The following KPNA5 variants were observed in gnomAD, a reference collection of about 807,000 sequenced individuals.
KPNA5 encodes importin subunit alpha-6.
A neutral mutation model predicts 71.3 loss-of-function variants in KPNA5; 46 were observed. That is an observed-to-expected ratio of 0.65 (90% CI 0.51 to 0.83). The LOEUF (loss-of-function observed/expected upper bound fraction) is 0.83. KPNA5 is among the 40% of genes least tolerant of loss of function. The pLI is 0.00. For synonymous variants in KPNA5, 207 were observed against 201.4 expected (o/e 1.03, Z -0.24); for missense variants, 547 against 628.3 (o/e 0.87, Z 1.38).
intron 4 of KPNA5, among the ~76,000 whole-genome samples, chr6:116,693,600 A>C (rs1433467855): frequency 6.6e-6 from 1 of 151,808 alleles, no homozygotes; most frequent in African/African-American, 2.4e-5. Flanking sequence ...TTTTTCTTGT[A>C]AATTTGTTTG....
rs895305575 is a variant in KPNA5 at position 116,738,570 on chromosome 6, T to C, written c.*6247T>C. The C allele has an allele frequency of 6.6e-6, 1 of 152,026 alleles. No homozygotes were observed. The highest frequency in any genetic ancestry group is 1.5e-5 in the Non-Finnish European group (1 of 68,026). 9.4% of individuals were successfully genotyped at this position (152,026 alleles called of 1,614,324 possible). ...CAAAAAAGAGAATTTTAGACCAATA[T>C]CCTTGGTGAACATTGATGCAAAAAT... On this transcript the variant is annotated 3_prime_UTR_variant, in exon 14 of 14. Coordinates refer to ENST00000368564, the MANE Select transcript of KPNA5 (RefSeq NM_001366306.2).
intron 7 of KPNA5, among the ~76,000 whole-genome samples, chr6:116,714,751 A>C (rs1278310787): frequency 6.6e-6 from 1 of 152,140 alleles, no homozygotes; most frequent in Non-Finnish European, 1.5e-5. Context: ...CTTTATTTAC[A>C]AAGCTACTTT....
In KPNA5 at chr6:116,738,127, GAGA is replaced by G. The variant is rs1779737792; in HGVS notation, c.*5809_*5811del. 6.6e-6 allele frequency: 1 copy of G among 151,902 alleles called. No homozygotes were observed. The highest frequency in any genetic ancestry group is 6.6e-5 in the Admixed American group (1 of 15,220). The allele number at this position is 151,902 out of a possible 1,614,324, so 9.4% of individuals were successfully genotyped here. A position where few individuals can be genotyped will look rare whatever the true frequency, so the allele number is the denominator to read the frequency against. ...AGCAAGACTAATAAAGAAGAAAAGAGAGAAGAATCAAATAGACGCAATAAAAAA... is the reference window on the plus strand; with the variant it reads ...AGCAAGACTAATAAAGAAGAAAAGAGAGAATCAAATAGACGCAATAAAAAA... On this transcript the variant is annotated 3_prime_UTR_variant, in exon 14 of 14. Transcript: ENST00000368564.
chr6:116,704,510 T>A (rs147946888), intron 6 of KPNA5, among the ~76,000 whole-genome samples: 1 of 152,362 alleles, frequency 6.6e-6, no homozygotes, highest in Non-Finnish European at 1.5e-5. Context: ...GCTAAATAGA[T>A]GTATTTTGTC....
chr6:116,711,340 G>C (rs1042074766), intron 7 of KPNA5, among the ~76,000 whole-genome samples: 1 of 150,424 alleles, frequency 6.6e-6, no homozygotes, highest in African/African-American at 2.4e-5. Flanking sequence ...TTTATCTCTG[G>C]TCTTAACTTT....
In KPNA5 at chr6:116,741,740, G is replaced by A. The variant is rs1779877484; in HGVS notation, c.*9417G>A. The stretch of plus-strand genomic sequence containing the variant: ...AAAACAAACAAAAAACAACAAAAAA[G>A]CGGTGACAGGAAACAGTTAAGGAAA... On this transcript the variant is annotated 3_prime_UTR_variant, in exon 14 of 14. Coordinates refer to ENST00000368564, the MANE Select transcript of KPNA5 (RefSeq NM_001366306.2). The A allele has an allele frequency of 6.6e-6, 1 of 152,332 alleles. No individual in the cohort carries two copies. Among genetic ancestry groups the A allele is most frequent in the African/African-American group, 2.4e-5 (1 of 41,434 alleles). 9.4% of individuals were successfully genotyped at this position (152,332 alleles called of 1,614,324 possible). A position where few individuals can be genotyped will look rare whatever the true frequency, so the allele number is the denominator to read the frequency against.
rs1779865270 is a variant in KPNA5, at chr6:116,741,313, A to G, written c.*8990A>G. On this transcript the variant is annotated 3_prime_UTR_variant, in exon 14 of 14. Coordinates refer to ENST00000368564, the MANE Select transcript of KPNA5 (RefSeq NM_001366306.2). ...TTCTGACGATTTTTTTGTGTTTTAT[A>G]TGTTTTTTACATTATTTTGTGCATA... 1 of 151,768 alleles carries G rather than the reference A, an allele frequency of 6.6e-6. No homozygotes were observed. Among genetic ancestry groups the G allele is most frequent in the African/African-American group, 2.4e-5 (1 of 41,298 alleles). 9.4% of individuals were successfully genotyped at this position (151,768 alleles called of 1,614,324 possible). A position where few individuals can be genotyped will look rare whatever the true frequency, so the allele number is the denominator to read the frequency against.
At chr6:116,684,004 C>A (rs1777472294) in intron 1 of KPNA5, among the ~76,000 whole-genome samples, 1 of 145,438 alleles carries the variant, frequency 6.9e-6, no homozygotes, top group African/African-American at 2.6e-5. Context: ...CCTCTGCCTC[C>A]CGAGTTCAAG....
At position 116,697,133 on chromosome 6, in the gene KPNA5, A is replaced by T. The variant is rs111558076; in HGVS notation, c.341-1571A>T. 2.6e-3 allele frequency among the ~76,000 whole-genome samples: 398 copies of T among 152,178 alleles called. 4 individuals are homozygous for T. The highest frequency in any genetic ancestry group is 9.2e-3 in the African/African-American group (383 of 41,550). ...AACAAAATAGGATAATATATTTATG[A>T]TTTGCTTTGGAAATAAAGGAAAAAC... On this transcript the variant is annotated intron_variant, in intron 4 of 13. Transcript: ENST00000368564.
At position 116,740,558 on chromosome 6, in the gene KPNA5, A is replaced by G. The variant is rs572987328; in HGVS notation, c.*8235A>G. On this transcript the variant is annotated 3_prime_UTR_variant, in exon 14 of 14. Transcript: ENST00000368564. ...ACACATGCACACATATGTTTATTGC[A>G]GCACTATTCACGATAGCAAAGACTT... is the stretch of plus-strand genomic sequence containing the variant. 1.4e-4 allele frequency: 22 copies of G among 152,298 alleles called. No individual in the cohort carries two copies. The East Asian group carries it at 3.9e-3, about 27-fold the overall frequency. The allele number at this position is 152,298 out of a possible 1,614,324, so 9.4% of individuals were successfully genotyped here.
Position 116,712,985 on chromosome 6 carries a change from CTTAAG to C in KPNA5, c.657-3231_657-3227del, listed in dbSNP as rs1221227720. 7.9e-5 allele frequency among the ~76,000 whole-genome samples: 12 copies of C among 152,108 alleles called. No individual in the cohort carries two copies. The South Asian group carries it at 8.3e-4, about 11-fold the overall frequency. On this transcript the variant is annotated intron_variant, in intron 7 of 13. Transcript: ENST00000368564. ...TCCTATACATATCTGTCTCACCCTTCTTAAGTTGTTATTGCCACAAATTGCATTAT... is the reference window on the plus strand; with the variant it reads ...TCCTATACATATCTGTCTCACCCTTCTTGTTATTGCCACAAATTGCATTAT...
rs67301038 is a variant in KPNA5 at position 116,710,893 on chromosome 6, ATTTTTTTTTTT to A, written c.657-5317_657-5307del. On this transcript the variant is annotated intron_variant, in intron 7 of 13. Transcript: ENST00000368564. ...TTATTTTATATATATATATATATATATTTTTTTTTTTTTTTTTTTGAGTTGGAGTCTTGCTC... is the reference window on the plus strand; with the variant it reads ...TTATTTTATATATATATATATATATATTTTTTTTGAGTTGGAGTCTTGCTC... Among the ~76,000 whole-genome samples the A allele has an allele frequency of 2.2e-3, 195 of 86,730 alleles. 11 individuals carry two copies. Among genetic ancestry groups the A allele is most frequent in the African/African-American group, 4.3e-3 (96 of 22,332 alleles). 56.9% of individuals were successfully genotyped at this position (86,730 alleles called of 152,430 possible).
intron 12 of KPNA5, among the ~76,000 whole-genome samples, chr6:116,729,158 C>CGTGT (rs150925835): frequency 0.093 from 10,421 of 111,946 alleles, 628 homozygotes; most frequent in East Asian, 0.099. Context: ...ATATGACCTC[C>CGTGT]GTGTGTGTGT....
chr6:116,689,201 G>A, intron 1 of KPNA5, 119 bp from the exon 2 acceptor site: 2 of 993,574 alleles, frequency 2.0e-6, no homozygotes, highest in Non-Finnish European at 3.0e-6. Flanking sequence ...ATAATTTTCA[G>A]AATGGGTTTT....
chr6:116,708,413 A>G (rs1778528474), intron 7 of KPNA5, among the ~76,000 whole-genome samples: 1 of 152,178 alleles, frequency 6.6e-6, no homozygotes, highest in Admixed American at 6.5e-5. Flanking sequence ...AACACATATT[A>G]TCTGTTATTC....
rs1160076740 is a variant in KPNA5 at position 116,740,002 on chromosome 6, G to C, written c.*7679G>C. The C allele has an allele frequency of 3.3e-5, 5 of 152,040 alleles. No homozygotes were observed. Among genetic ancestry groups the C allele is most frequent in the South Asian group, 2.1e-4 (1 of 4,818 alleles). 9.4% of individuals were successfully genotyped at this position (152,040 alleles called of 1,614,324 possible). On this transcript the variant is annotated 3_prime_UTR_variant, in exon 14 of 14. Transcript: ENST00000368564. The stretch of plus-strand genomic sequence containing the variant: ...AAAAGCCAAAATTGACAAATGGGAT[G>C]TAATTGAACTAAAGAGCTTCTGCAC...
intron 1 of KPNA5, among the ~76,000 whole-genome samples, chr6:116,687,626 C>T (rs551146290): frequency 8.3e-4 from 126 of 152,336 alleles, no homozygotes; most frequent in Non-Finnish European, 1.1e-3. Flanking sequence ...CTACTCTGAT[C>T]CTCCATCCGT....
chr6:116,705,191 C>T (rs377309498), intron 7 of KPNA5, 31 bp downstream of exon 7: 1 of 1,426,728 alleles, frequency 7.0e-7, no homozygotes, highest in Admixed American at 1.7e-5. Flanking sequence ...AAGTATATAT[C>T]AAAAACTATA....
rs550421331 is a variant in KPNA5 at position 116,683,894 on chromosome 6, G to A, written c.4+2556G>A. ...TTACAGGCGTGAGCCACCGTGCCCG[G>A]CCTTTTTTTTTTTTTTTTTTTTTTT... On this transcript the variant is annotated intron_variant, in intron 1 of 13. Transcript: ENST00000368564. Among the ~76,000 whole-genome samples, 3 of 136,294 alleles carry A rather than the reference G, an allele frequency of 2.2e-5. No individual in the cohort carries two copies. The South Asian group carries it at 7.0e-4, about 32-fold the overall frequency. 89.4% of individuals were successfully genotyped at this position (136,294 alleles called of 152,430 possible). A position where few individuals can be genotyped will look rare whatever the true frequency, so the allele number is the denominator to read the frequency against.
Sources: gnomAD v4.1 joint callset for allele counts (sites outside exome capture counted in the v4.1 genomes callset) on GRCh38, gnomAD v4.1.1 for gene constraint, MANE v1.5 for transcripts, NCBI Gene and HGNC (gene_info 2026-07-23, HGNC 2026-07-21) for gene names.